The following FHIT variants were observed in gnomAD, a reference collection of about 807,000 sequenced individuals.
FHIT encodes the protein fragile histidine triad diadenosine triphosphatase.
A neutral mutation model predicts 17.9 loss-of-function variants in FHIT; 19 were observed. The ratio of observed to expected loss-of-function variants is 1.06; its 90% CI spans 0.74 to 1.56. FHIT has a LOEUF of 1.56. Ranked by LOEUF, FHIT falls within the 40% of genes most tolerant of loss-of-function variation. FHIT has a pLI of 0.00. For missense variants in FHIT, 248 were observed against 189.2 expected (o/e 1.31, Z -1.82); for synonymous variants, 81 against 69.7 (o/e 1.16, Z -0.81).
intron 5 of FHIT, among the ~76,000 whole-genome samples, chr3:60,410,759 C>T (rs1206284584): frequency 6.6e-6 from 1 of 152,056 alleles, no homozygotes; most frequent in African/African-American, 2.4e-5. Context: ...ACAGAGGATT[C>T]AAGACCCTAA....
At chr3:61,076,581 A>T (rs1364532496) in intron 2 of FHIT, among the ~76,000 whole-genome samples, 3 of 152,204 alleles carry the variant, frequency 2.0e-5, no homozygotes, top group Non-Finnish European at 4.4e-5. Flanking sequence ...GTCTGTTGAA[A>T]AGAATACAAT....
chr3:61,190,913 AC>A (rs1179928253), intron 2 of FHIT, among the ~76,000 whole-genome samples: 1 of 122,018 alleles, frequency 8.2e-6, no homozygotes, highest in Non-Finnish European at 1.6e-5. Context: ...GGGGAACATC[AC>A]CCACTGGGGC....
intron 7 of FHIT, among the ~76,000 whole-genome samples, chr3:59,997,859 A>T (rs1210072575): frequency 6.6e-6 from 1 of 152,166 alleles, no homozygotes; most frequent in Non-Finnish European, 1.5e-5. Context: ...GGGGTGATAA[A>T]TATAAGCCCT....
chr3:59,977,158 C>G (rs139863298), intron 7 of FHIT, among the ~76,000 whole-genome samples: 7 of 152,120 alleles, frequency 4.6e-5, no homozygotes, highest in African/African-American at 1.7e-4. Flanking sequence ...TCTACTCTCT[C>G]ATTTTATAGA....
chr3:61,041,529 T>C (rs1407232311), intron 3 of FHIT, among the ~76,000 whole-genome samples: 2 of 152,190 alleles, frequency 1.3e-5, no homozygotes, highest in Non-Finnish European at 2.9e-5. Context: ...ATCATGGATA[T>C]TAATCAGCCC....
intron 3 of FHIT, among the ~76,000 whole-genome samples, chr3:60,860,425 G>GACATACATCATATGTATACATGAC (rs1553751443): frequency 1.5e-5 from 2 of 130,054 alleles, no homozygotes; most frequent in African/African-American, 5.5e-5. Flanking sequence ...ATGTATATAT[G>GACATACATCATATGTATACATGAC]ATACATATAT....
In FHIT at chr3:60,311,250, C is replaced by CGTGTGTGTGT. The variant is rs10621849; in HGVS notation, c.103+225600_103+225609dup. Among the ~76,000 whole-genome samples the CGTGTGTGTGT allele has an allele frequency of 4.8e-3, 726 of 150,936 alleles. 6 individuals are homozygous for CGTGTGTGTGT. Among genetic ancestry groups the CGTGTGTGTGT allele is most frequent in the African/African-American group, 0.016 (674 of 41,134 alleles). The stretch of plus-strand genomic sequence containing the variant: ...CATGCCCCAAACCCCTCTACCCCAA[C>CGTGTGTGTGT]GTGTGTGTGTGTGTGTGTGTTTCAT... On this transcript the variant is annotated intron_variant, in intron 5 of 9. Transcript: ENST00000492590.
chr3:59,974,689 C>T (rs568083080), intron 7 of FHIT, among the ~76,000 whole-genome samples: 1 of 152,208 alleles, frequency 6.6e-6, no homozygotes, highest in South Asian at 2.1e-4. Context: ...GTGTGCACAG[C>T]AGCCAAGCCC....
intron 4 of FHIT, among the ~76,000 whole-genome samples, chr3:60,739,091 G>T (rs1292423344): frequency 6.6e-6 from 1 of 152,164 alleles, no homozygotes; most frequent in African/African-American, 2.4e-5. Flanking sequence ...CAAAACTCCA[G>T]GGGAAGATCA....
chr3:60,207,669 C>G (rs1351347499), intron 5 of FHIT, among the ~76,000 whole-genome samples: 1 of 152,038 alleles, frequency 6.6e-6, no homozygotes, highest in Non-Finnish European at 1.5e-5. Flanking sequence ...CTATGATTTG[C>G]TTTTTAAAAA....
chr3:60,540,180 C>T (rs1352875526), intron 4 of FHIT, among the ~76,000 whole-genome samples: 3 of 152,120 alleles, frequency 2.0e-5, no homozygotes, highest in African/African-American at 7.2e-5. Flanking sequence ...GCTGAACACG[C>T]AGAAGTTCCT....
intron 7 of FHIT, among the ~76,000 whole-genome samples, chr3:59,935,753 G>A (rs1248374234): frequency 1.3e-5 from 2 of 151,894 alleles, no homozygotes; most frequent in Non-Finnish European, 2.9e-5. Flanking sequence ...GTGGGAATGT[G>A]GACAGATAGG....
intron 7 of FHIT, among the ~76,000 whole-genome samples, chr3:60,008,471 C>T (rs1013971652): frequency 1.3e-5 from 2 of 152,026 alleles, no homozygotes; most frequent in African/African-American, 4.8e-5. Flanking sequence ...TTTAAAGCCC[C>T]TGAAACAAAA....
chr3:60,881,004 CAAAAG>C (rs782520457), intron 3 of FHIT, among the ~76,000 whole-genome samples: 21 of 151,934 alleles, frequency 1.4e-4, no homozygotes, highest in Non-Finnish European at 2.6e-4. Flanking sequence ...TGATTTAAAA[CAAAAG>C]AAAACAAAAA....
intron 5 of FHIT, among the ~76,000 whole-genome samples, chr3:60,400,425 G>C (rs139030546): frequency 1.1e-4 from 17 of 152,232 alleles, no homozygotes; most frequent in Admixed American, 7.2e-4. Context: ...ACTGGAAATG[G>C]ATTCCTGCTT....
At chr3:60,909,370 A>G (rs1461549808) in intron 3 of FHIT, among the ~76,000 whole-genome samples, 4 of 29,400 alleles carry the variant, frequency 1.4e-4, no homozygotes, top group South Asian at 9.1e-4. Flanking sequence ...CTCTGTCTCG[A>G]AAAAAAAAAA....
intron 4 of FHIT, among the ~76,000 whole-genome samples, chr3:60,821,173 A>G (rs1011579572): frequency 6.6e-6 from 1 of 152,202 alleles, no homozygotes; most frequent in Admixed American, 6.5e-5. Flanking sequence ...ATGAGGTTTC[A>G]CCATGTTGGC....
At chr3:61,203,630 T>A (rs1167499558) in intron 1 of FHIT, among the ~76,000 whole-genome samples, 1 of 152,192 alleles carries the variant, frequency 6.6e-6, no homozygotes, top group African/African-American at 2.4e-5. Context: ...TATTGATTAA[T>A]AATTATTAAG....
At chr3:60,747,125 A>C (rs1468598225) in intron 4 of FHIT, among the ~76,000 whole-genome samples, 1 of 149,778 alleles carries the variant, frequency 6.7e-6, no homozygotes, top group East Asian at 1.9e-4. Context: ...CTTGGAATTC[A>C]CAAAAAAAAA....
Sources: allele counts gnomAD v4.1 joint callset (sites outside exome capture counted in the v4.1 genomes callset), GRCh38; gene constraint gnomAD v4.1.1; transcripts MANE v1.5; gene names NCBI Gene and HGNC (gene_info 2026-07-23, HGNC 2026-07-21).